The following TMEM161B variants were observed in gnomAD, a reference collection of about 807,000 sequenced individuals.
TMEM161B encodes transmembrane protein 161B.
A neutral mutation model predicts 61.8 loss-of-function variants in TMEM161B; 34 were observed. The ratio of observed to expected loss-of-function variants is 0.55; its 90% CI spans 0.42 to 0.73. The LOEUF (loss-of-function observed/expected upper bound fraction) is 0.73, where lower values mean the gene tolerates loss of function less well. TMEM161B is among the 30% of genes least tolerant of loss of function. The pLI, the probability that TMEM161B is intolerant of heterozygous loss-of-function variation, is 0.00. For missense variants in TMEM161B, 456 were observed against 558.5 expected, an observed-to-expected ratio of 0.82 and a Z score of 1.85; for synonymous variants, 167 against 192.8, an observed-to-expected ratio of 0.87 and a Z score of 1.11.
chr5:88,191,240 G>A (rs1176197981), downstream of TMEM161B, among the ~76,000 whole-genome samples: 1 of 152,072 alleles, frequency 6.6e-6, no homozygotes, highest in East Asian at 1.9e-4. Flanking sequence ...AATTCCAAAC[G>A]GAAAATGATG....
intron 5 of TMEM161B, among the ~76,000 whole-genome samples, chr5:88,214,462 A>C (rs574415652): frequency 6.6e-6 from 1 of 152,300 alleles, no homozygotes; most frequent in South Asian, 2.1e-4. Context: ...GAAAAAAAAA[A>C]ACTATACATT....
chr5:88,206,885 AG>A (rs1490835594), intron 6 of TMEM161B, 143 bp downstream of exon 6: 2 of 657,168 alleles, frequency 3.0e-6, no homozygotes, highest in Non-Finnish European at 4.8e-6. Context: ...TTAATAATAA[AG>A]GTTAATTATT....
intron 4 of TMEM161B, 124 bp from the exon 5 acceptor site, chr5:88,220,843 G>T: frequency 8.0e-7 from 1 of 1,257,554 alleles, no homozygotes; most frequent in Non-Finnish European, 1.0e-6. Flanking sequence ...TTGTTCATTT[G>T]CAATGTAAGA....
At chr5:88,215,253 C>T (rs1355137097) in intron 5 of TMEM161B, among the ~76,000 whole-genome samples, 8 of 152,066 alleles carry the variant, frequency 5.3e-5, no homozygotes, top group African/African-American at 1.2e-4. Flanking sequence ...AATGCAGACA[C>T]GTGTTTGACT....
intron 4 of TMEM161B, among the ~76,000 whole-genome samples, chr5:88,222,257 C>T (rs774048133): frequency 6.6e-6 from 1 of 152,040 alleles, no homozygotes; most frequent in African/African-American, 2.4e-5. Context: ...TTTGTACAGA[C>T]GTGGTTTCAC....
downstream of TMEM161B, among the ~76,000 whole-genome samples, chr5:88,185,748 T>G (rs1748329465): frequency 6.6e-6 from 1 of 151,756 alleles, no homozygotes; most frequent in Non-Finnish European, 1.5e-5. Flanking sequence ...AAAAGACAAA[T>G]TGAAAACATA....
At chr5:88,247,732 A>G (rs1218618043) in intron 1 of TMEM161B, among the ~76,000 whole-genome samples, 1 of 152,136 alleles carries the variant, frequency 6.6e-6, no homozygotes, top group Non-Finnish European at 1.5e-5. Flanking sequence ...CAATTTATGT[A>G]TAAGGAAAAC....
At chr5:88,188,932 G>T (rs185378448), downstream of TMEM161B, among the ~76,000 whole-genome samples, 2 of 151,992 alleles carry the variant, frequency 1.3e-5, no homozygotes, top group East Asian at 3.9e-4. Context: ...CTTCCTCCTC[G>T]TCTTCAGACA....
downstream of TMEM161B, among the ~76,000 whole-genome samples, chr5:88,187,556 C>G (rs1367515539): frequency 1.3e-5 from 2 of 152,114 alleles, no homozygotes; most frequent in Non-Finnish European, 2.9e-5. Context: ...AAAGCTACTT[C>G]TAACTTGCTT....
intron 1 of TMEM161B, among the ~76,000 whole-genome samples, chr5:88,266,321 T>C (rs1168721280): frequency 6.6e-6 from 1 of 152,060 alleles, no homozygotes; most frequent in East Asian, 1.9e-4. Flanking sequence ...TGGCCAAATA[T>C]ACAAAGATTC....
chr5:88,187,180 G>A (rs183841484), downstream of TMEM161B, among the ~76,000 whole-genome samples: 14 of 152,336 alleles, frequency 9.2e-5, no homozygotes, highest in Non-Finnish European at 1.9e-4. Flanking sequence ...GTGTAAGTAT[G>A]AGACTATTTC....
intron 1 of TMEM161B, among the ~76,000 whole-genome samples, chr5:88,245,214 G>A (rs926187743): frequency 3.3e-5 from 5 of 151,844 alleles, no homozygotes; most frequent in African/African-American, 1.2e-4. Context: ...CTAGGTTAAA[G>A]TTCAGTTCAT....
At chr5:88,203,096 A>T (rs1231100208) in intron 8 of TMEM161B, 21 bp from the exon 9 acceptor site, 10 of 1,455,122 alleles carry the variant, frequency 6.9e-6, no homozygotes, top group Non-Finnish European at 9.6e-6. Flanking sequence ...GTAAGAAATA[A>T]ATATAAAAAT....
Position 88,196,051 on chromosome 5 carries a change from T to C in TMEM161B, c.*160A>G. The C allele has an allele frequency of 6.4e-6, 9 of 1,409,700 alleles. No individual in the cohort carries two copies. Among genetic ancestry groups the C allele is most frequent in the Non-Finnish European group, 8.3e-6 (9 of 1,086,436 alleles). The allele number at this position is 1,409,700 out of a possible 1,614,324, so 87.3% of individuals were successfully genotyped here. A position where few individuals can be genotyped will look rare whatever the true frequency, so the allele number is the denominator to read the frequency against. On this transcript the variant is annotated 3_prime_UTR_variant, in exon 12 of 12. Coordinates refer to ENST00000296595, the MANE Select transcript of TMEM161B (RefSeq NM_153354.5). ...GTAATTTTAAATATTACTACATTAA[T>C]TCACCCTGAGAATACAGAGGAAACA...
intron 3 of TMEM161B, 84 bp downstream of exon 3, chr5:88,228,361 C>T (rs963304776): frequency 1.4e-5 from 14 of 1,030,666 alleles, no homozygotes; most frequent in Admixed American, 1.0e-4. Flanking sequence ...ATAATTGGTA[C>T]ATGTTTCTTT....
intron 3 of TMEM161B, among the ~76,000 whole-genome samples, chr5:88,228,097 C>T (rs1170928560): frequency 6.6e-6 from 1 of 152,094 alleles, no homozygotes; most frequent in African/African-American, 2.4e-5. Flanking sequence ...CCACAATACA[C>T]AGTAGCAGCA....
chr5:88,206,407 T>C (rs1316454059), intron 7 of TMEM161B, 32 bp downstream of exon 7: 2 of 1,531,092 alleles, frequency 1.3e-6, no homozygotes, highest in East Asian at 2.3e-5. Flanking sequence ...AAAGGTTAAA[T>C]TTAAATAATG....
chr5:88,253,583 T>A (rs942051172), intron 1 of TMEM161B, among the ~76,000 whole-genome samples: 1 of 152,178 alleles, frequency 6.6e-6, no homozygotes, highest in African/African-American at 2.4e-5. Flanking sequence ...GACTTTAGTA[T>A]GGGTTGCACA....
intron 1 of TMEM161B, among the ~76,000 whole-genome samples, chr5:88,263,161 T>G (rs925256062): frequency 6.6e-6 from 1 of 152,154 alleles, no homozygotes; most frequent in African/African-American, 2.4e-5. Flanking sequence ...GCACGTGGGC[T>G]GAATATCTAT....
Sources: allele counts gnomAD v4.1 joint callset (sites outside exome capture counted in the v4.1 genomes callset), GRCh38; gene constraint gnomAD v4.1.1; transcripts MANE v1.5; gene names NCBI Gene and HGNC (gene_info 2026-07-23, HGNC 2026-07-21).